Variants in LIN7A observed in about 807,000 individuals in gnomAD.
The protein encoded by LIN7A is lin-7 cell polarity scaffold A.
Under a neutral mutation model 29.8 loss-of-function variants are expected in LIN7A, and 25 were observed. The ratio of observed to expected loss-of-function variants is 0.84; its 90% CI spans 0.61 to 1.17. The LOEUF (loss-of-function observed/expected upper bound fraction) is 1.17, where lower values mean the gene tolerates loss of function less well. Among genes scored for constraint, LIN7A ranks in the 50% most tolerant of loss-of-function variants. LIN7A has a pLI of 0.00. For synonymous variants in LIN7A, 118 were observed against 107.5 expected (o/e 1.10, Z -0.60); for missense variants, 239 against 287.0 (o/e 0.83, Z 1.21).
At chr12:80,881,853 C>T (rs2120589303) in intron 2 of LIN7A, among the ~76,000 whole-genome samples, 1 of 152,186 alleles carries the variant, frequency 6.6e-6, no homozygotes, top group African/African-American at 2.4e-5. Flanking sequence ...ATCTGGTTAT[C>T]CTTGGTTATT....
chr12:80,860,153 C>T (rs1174936930), intron 2 of LIN7A, among the ~76,000 whole-genome samples: 2 of 152,126 alleles, frequency 1.3e-5, no homozygotes, highest in Non-Finnish European at 2.9e-5. Context: ...AAGTAGATTA[C>T]TGAGTCAAAA....
chr12:80,928,170 A>G (rs1877708684), intron 1 of LIN7A, among the ~76,000 whole-genome samples: 1 of 152,136 alleles, frequency 6.6e-6, no homozygotes, highest in South Asian at 2.1e-4. Context: ...ATAAACATAC[A>G]TGTGCATGTG....
intron 4 of LIN7A, among the ~76,000 whole-genome samples, chr12:80,843,914 C>A (rs1872939581): frequency 6.6e-6 from 1 of 151,918 alleles, no homozygotes; most frequent in Non-Finnish European, 1.5e-5. Flanking sequence ...AATGTTTATG[C>A]TAAACAAGGT....
chr12:80,809,152 G>C (rs1333128583), intron 5 of LIN7A, among the ~76,000 whole-genome samples: 1 of 151,928 alleles, frequency 6.6e-6, no homozygotes, highest in African/African-American at 2.4e-5. Flanking sequence ...AATTTTAATA[G>C]AGATGGGATT....
chr12:80,892,239 A>G (rs1199843339), intron 1 of LIN7A, among the ~76,000 whole-genome samples: 2 of 152,208 alleles, frequency 1.3e-5, no homozygotes, highest in African/African-American at 4.8e-5. Flanking sequence ...CTTGGCACAT[A>G]TCATCCCATG....
chr12:80,868,960 C>T (rs990741860), intron 2 of LIN7A, among the ~76,000 whole-genome samples: 1 of 152,026 alleles, frequency 6.6e-6, no homozygotes, highest in Admixed American at 6.6e-5. Context: ...ATCTCAACTG[C>T]TCTGCACTTG....
chr12:80,818,221 G>C (rs554025090), intron 4 of LIN7A, among the ~76,000 whole-genome samples: 4 of 151,948 alleles, frequency 2.6e-5, no homozygotes, highest in Non-Finnish European at 5.9e-5. Flanking sequence ...TGCAGTGGCC[G>C]GATCTTGGCT....
intron 2 of LIN7A, among the ~76,000 whole-genome samples, chr12:80,888,643 T>G (rs185471921): frequency 6.6e-6 from 1 of 151,454 alleles, no homozygotes; most frequent in Non-Finnish European, 1.5e-5. Flanking sequence ...AGATCTCAAG[T>G]GGCTTCTTTT....
intron 4 of LIN7A, among the ~76,000 whole-genome samples, chr12:80,834,946 T>C (rs1319674039): frequency 6.6e-6 from 1 of 152,178 alleles, no homozygotes; most frequent in Non-Finnish European, 1.5e-5. Context: ...ATAAATAAGT[T>C]AGAAGAATGT....
At chr12:80,837,535 T>G (rs1872633881) in intron 4 of LIN7A, among the ~76,000 whole-genome samples, 2 of 152,094 alleles carry the variant, frequency 1.3e-5, no homozygotes, top group South Asian at 4.2e-4. Context: ...AGGAACAGAT[T>G]CCCCAATAGC....
chr12:80,883,947 A>G (rs1445592446), intron 2 of LIN7A, among the ~76,000 whole-genome samples: 1 of 152,212 alleles, frequency 6.6e-6, no homozygotes, highest in Non-Finnish European at 1.5e-5. Context: ...ACTGGGGACC[A>G]GGAGCACTTG....
In LIN7A at chr12:80,916,200, A is replaced by T. The variant is rs572381530; in HGVS notation, c.82+21441T>A. Among the ~76,000 whole-genome samples, 3 of 152,264 alleles carry T rather than the reference A, an allele frequency of 2.0e-5. No individual in the cohort carries two copies. The South Asian group carries it at 6.2e-4, about 32-fold the overall frequency. ...TCTGTCTGTCTACTCTTTACATTCTATGATCAATATAGCTGAGTGAGTTTA... is the reference window on the plus strand; with the variant it reads ...TCTGTCTGTCTACTCTTTACATTCTTTGATCAATATAGCTGAGTGAGTTTA... On this transcript the variant is annotated intron_variant, in intron 1 of 5. Transcript: ENST00000552864.
chr12:80,802,383 G>T (rs1228079297), intron 5 of LIN7A, among the ~76,000 whole-genome samples: 1 of 152,110 alleles, frequency 6.6e-6, no homozygotes, highest in South Asian at 2.1e-4. Flanking sequence ...GGACACCTAC[G>T]TTGCTCCCTT....
chr12:80,834,137 A>G (rs1214076135), intron 4 of LIN7A, among the ~76,000 whole-genome samples: 1 of 152,140 alleles, frequency 6.6e-6, no homozygotes, highest in Non-Finnish European at 1.5e-5. Flanking sequence ...ATTTTACTCG[A>G]TTTTTAAGTA....
intron 4 of LIN7A, chr12:80,842,221 A>G: frequency 1.1e-6 from 1 of 880,888 alleles, no homozygotes; most frequent in Non-Finnish European, 1.5e-6. Context: ...TTATAACCTA[A>G]CATTCCATGT....
chr12:80,903,643 A>G (rs193132401), intron 1 of LIN7A, among the ~76,000 whole-genome samples: 1 of 152,144 alleles, frequency 6.6e-6, no homozygotes, highest in African/African-American at 2.4e-5. Flanking sequence ...TGATAAACAT[A>G]CAATTGCAGG....
At chr12:80,899,643 T>C (rs1024641639) in intron 1 of LIN7A, among the ~76,000 whole-genome samples, 1 of 152,142 alleles carries the variant, frequency 6.6e-6, no homozygotes, top group Admixed American at 6.5e-5. Context: ...ATGCTGTGTA[T>C]TACTGATTCA....
At position 80,889,195 on chromosome 12, in the gene LIN7A, T is replaced by G. The variant is rs1875494077; in HGVS notation, c.201+56A>C. On this transcript the variant is annotated intron_variant, in intron 2 of 5. Coordinates refer to ENST00000552864, the MANE Select transcript of LIN7A (RefSeq NM_004664.4). ...CAACTGTTTGTGTAGAGAAGACATG[T>G]TTTCTATGAAGAAGACATATGGCTG... 6.5e-6 allele frequency: 6 copies of G among 927,024 alleles called. No homozygotes were observed. The Admixed American group carries it at 1.1e-4, about 16-fold the overall frequency. The allele number at this position is 927,024 out of a possible 1,614,324, so 57.4% of individuals were successfully genotyped here.
chr12:80,859,618 C>A (rs1278483137), intron 2 of LIN7A, among the ~76,000 whole-genome samples: 1 of 151,928 alleles, frequency 6.6e-6, no homozygotes, highest in Non-Finnish European at 1.5e-5. Flanking sequence ...CCTATTGAGC[C>A]AAGACATCTT....
Sources: gnomAD v4.1 joint callset for allele counts (sites outside exome capture counted in the v4.1 genomes callset) on GRCh38, gnomAD v4.1.1 for gene constraint, MANE v1.5 for transcripts, NCBI Gene and HGNC (gene_info 2026-07-23, HGNC 2026-07-21) for gene names.